TMEM135: variants seen among roughly 807,000 people sequenced by gnomAD.
TMEM135 encodes peroxisomal membrane protein 52.
TMEM135 carries 30 observed loss-of-function variants against 60.3 expected under a neutral mutation model. The ratio of observed to expected loss-of-function variants is 0.50; its 90% CI spans 0.37 to 0.68. The LOEUF is 0.68. TMEM135 is among the 30% of genes least tolerant of loss of function. TMEM135 has a pLI of 0.00. For synonymous variants in TMEM135, 190 were observed against 186.7 expected (o/e 1.02, Z -0.14); for missense variants, 468 against 548.8 (o/e 0.85, Z 1.47).
chr11:87,295,844 T>C, intron 7 of TMEM135, 21 bp downstream of exon 7: 1 of 1,590,662 alleles, frequency 6.3e-7, no homozygotes, highest in East Asian at 2.2e-5. Context: ...TTTATTTTTA[T>C]GTTGAGAGAG....
chr11:87,299,027 G>T (rs1411251911), intron 7 of TMEM135, among the ~76,000 whole-genome samples: 1 of 152,122 alleles, frequency 6.6e-6, no homozygotes, highest in Non-Finnish European at 1.5e-5. Context: ...GGCAGAGGTT[G>T]CAGTGAGCCG....
chr11:87,319,935 A>C (rs1942792408), intron 14 of TMEM135, among the ~76,000 whole-genome samples: 1 of 152,172 alleles, frequency 6.6e-6, no homozygotes, highest in African/African-American at 2.4e-5. Flanking sequence ...GTTGCTATGG[A>C]AAATTATTTA....
chr11:87,129,931 TA>T (rs60438604), intron 4 of TMEM135, among the ~76,000 whole-genome samples: 72,387 of 151,842 alleles, frequency 0.48, 17,539 homozygotes, highest in East Asian at 0.67. Flanking sequence ...AGAATGTAAG[TA>T]ATTCAGGAAA....
At chr11:87,199,235 G>T (rs1042966025) in intron 5 of TMEM135, among the ~76,000 whole-genome samples, 8 of 152,114 alleles carry the variant, frequency 5.3e-5, no homozygotes, top group African/African-American at 1.9e-4. Context: ...TGGAACTCCT[G>T]ACCTCCTTGT....
chr11:87,204,676 A>T (rs1940196270), intron 5 of TMEM135, among the ~76,000 whole-genome samples: 1 of 152,158 alleles, frequency 6.6e-6, no homozygotes, highest in Non-Finnish European at 1.5e-5. Flanking sequence ...CTTTAAGTGG[A>T]AGTGGATCAT....
At chr11:87,116,278 C>T (rs921242427) in intron 4 of TMEM135, among the ~76,000 whole-genome samples, 1 of 152,114 alleles carries the variant, frequency 6.6e-6, no homozygotes, top group Non-Finnish European at 1.5e-5. Flanking sequence ...CATAGTTTTA[C>T]TGTGCCTAAA....
Position 87,323,694 on chromosome 11 carries a change from A to G in TMEM135, c.*2361A>G, listed in dbSNP as rs1396134644. ...GTGGTATTATGGTCATTTCGTTGCT[A>G]TTTTCTGTTTTAATAAAATCCTAGA... On this transcript the variant is annotated 3_prime_UTR_variant, in exon 15 of 15. Transcript: ENST00000305494. 8.8e-6 allele frequency: 4 copies of G among 452,626 alleles called. No homozygotes were observed. Among genetic ancestry groups the G allele is most frequent in the Admixed American group, 4.7e-5 (2 of 42,348 alleles). The allele number at this position is 452,626 out of a possible 1,614,324, so 28.0% of individuals were successfully genotyped here.
intron 3 of TMEM135, among the ~76,000 whole-genome samples, chr11:87,086,455 A>G (rs1478465826): frequency 6.6e-6 from 1 of 152,074 alleles, no homozygotes; most frequent in African/African-American, 2.4e-5. Flanking sequence ...GGATATGCTG[A>G]TAATTTGAAG....
chr11:87,078,510 CCATT>C (rs1565431483), intron 3 of TMEM135, among the ~76,000 whole-genome samples: 1 of 152,018 alleles, frequency 6.6e-6, no homozygotes, highest in South Asian at 2.1e-4. Flanking sequence ...ATATTTTCTC[CCATT>C]CAGAGTGTTG....
chr11:87,056,361 G>T (rs1337157797), intron 1 of TMEM135, among the ~76,000 whole-genome samples: 1 of 152,110 alleles, frequency 6.6e-6, no homozygotes, highest in Non-Finnish European at 1.5e-5. Context: ...TAACACCTCT[G>T]CCTCCCAAAG....
chr11:87,125,350 G>A (rs1937694431), intron 4 of TMEM135, among the ~76,000 whole-genome samples: 1 of 152,190 alleles, frequency 6.6e-6, no homozygotes, highest in Non-Finnish European at 1.5e-5. Context: ...AGCAGGGTAA[G>A]AGTAGTTGTG....
chr11:87,227,360 G>T (rs1940787254), intron 5 of TMEM135, among the ~76,000 whole-genome samples: 1 of 151,938 alleles, frequency 6.6e-6, no homozygotes. Context: ...AAAAATTAAG[G>T]TTTAAAGAAT....
At position 87,222,369 on chromosome 11, in the gene TMEM135, G is replaced by C. The variant is rs1940645295; in HGVS notation, c.463-14269G>C. 2.7e-5 allele frequency among the ~76,000 whole-genome samples: 4 copies of C among 149,744 alleles called. No individual in the cohort carries two copies. The South Asian group carries it at 8.4e-4, about 32-fold the overall frequency. On this transcript the variant is annotated intron_variant, in intron 5 of 14. Coordinates refer to ENST00000305494, the MANE Select transcript of TMEM135 (RefSeq NM_022918.4). ...AAAAATTCGCTGGGCGTGGTGGCGG[G>C]CGCCTGTAGTCCCAGCTACTCGGGA... is the stretch of plus-strand genomic sequence containing the variant.
chr11:87,306,094 G>A (rs1024356809), intron 9 of TMEM135, 89 bp downstream of exon 9: 23 of 801,172 alleles, frequency 2.9e-5, no homozygotes, highest in Non-Finnish European at 4.0e-5. Context: ...AAAATAAATG[G>A]AAAAGTTGAC....
chr11:87,082,182 T>G (rs1857006256), intron 3 of TMEM135, among the ~76,000 whole-genome samples: 1 of 152,230 alleles, frequency 6.6e-6, no homozygotes, highest in Non-Finnish European at 1.5e-5. Context: ...CCCTTTGGAG[T>G]TAAACTTTAA....
At chr11:87,118,374 G>C (rs1194616136) in intron 4 of TMEM135, among the ~76,000 whole-genome samples, 1 of 151,994 alleles carries the variant, frequency 6.6e-6, no homozygotes, top group East Asian at 1.9e-4. Context: ...AGGCTCCTTT[G>C]TCTAAAATCT....
At chr11:87,278,057 C>A (rs982805880) in intron 6 of TMEM135, among the ~76,000 whole-genome samples, 1 of 152,094 alleles carries the variant, frequency 6.6e-6, no homozygotes, top group Non-Finnish European at 1.5e-5. Context: ...ATTCTTGGAC[C>A]AAGTCCTTCC....
intron 1 of TMEM135, among the ~76,000 whole-genome samples, chr11:87,063,378 A>G (rs181810708): frequency 1.1e-4 from 16 of 152,278 alleles, no homozygotes; most frequent in African/African-American, 3.4e-4. Flanking sequence ...ATGAATGTGG[A>G]ATTATTTGGT....
chr11:87,203,834 G>A (rs576037989), intron 5 of TMEM135, among the ~76,000 whole-genome samples: 4 of 152,312 alleles, frequency 2.6e-5, no homozygotes, highest in East Asian at 3.9e-4. Flanking sequence ...AGCAATGAAT[G>A]AGAGTTCCTG....
Sources: gnomAD v4.1 joint callset for allele counts (sites outside exome capture counted in the v4.1 genomes callset) on GRCh38, gnomAD v4.1.1 for gene constraint, MANE v1.5 for transcripts, NCBI Gene and HGNC (gene_info 2026-07-23, HGNC 2026-07-21) for gene names.